Variants in CPQ observed in about 807,000 individuals in gnomAD.
The protein encoded by CPQ is carboxypeptidase Q.
A neutral mutation model predicts 45.7 loss-of-function variants in CPQ; 37 were observed. The ratio of observed to expected loss-of-function variants is 0.81; its 90% CI spans 0.62 to 1.07. CPQ has a LOEUF of 1.07. Among genes scored for constraint, CPQ ranks in the 50% least tolerant of loss-of-function variants. The pLI is 0.00. For missense variants in CPQ, 537 were observed against 572.9 expected (o/e 0.94, Z 0.64); for synonymous variants, 186 against 205.8 (o/e 0.90, Z 0.82).
intron 1 of CPQ, among the ~76,000 whole-genome samples, chr8:96,754,664 G>T (rs1181930262): frequency 6.6e-6 from 1 of 151,900 alleles, no homozygotes; most frequent in Non-Finnish European, 1.5e-5. Context: ...TCTAGAAAAT[G>T]GTTCACTTTA....
intron 5 of CPQ, among the ~76,000 whole-genome samples, chr8:97,025,084 C>T (rs1034379058): frequency 1.3e-5 from 2 of 152,136 alleles, no homozygotes; most frequent in Non-Finnish European, 1.5e-5. Flanking sequence ...CTGGATTAAT[C>T]TTTTTCTGCT....
intron 5 of CPQ, among the ~76,000 whole-genome samples, chr8:97,000,898 A>G (rs1809268089): frequency 6.6e-6 from 1 of 151,972 alleles, no homozygotes; most frequent in South Asian, 2.1e-4. Context: ...ATTTGTTTGT[A>G]TCATCTCTGA....
chr8:97,074,614 A>T (rs1273944981), intron 7 of CPQ, among the ~76,000 whole-genome samples: 2 of 152,192 alleles, frequency 1.3e-5, no homozygotes, highest in Non-Finnish European at 2.9e-5. Flanking sequence ...TCTACTAAAA[A>T]TACAAAATTA....
chr8:97,142,368 A>G (rs1250442996), intron 7 of CPQ, among the ~76,000 whole-genome samples: 1 of 152,204 alleles, frequency 6.6e-6, no homozygotes, highest in Non-Finnish European at 1.5e-5. Context: ...TTGAATGAGA[A>G]GAAAGCTTTG....
chr8:96,824,389 A>G (rs1415763933), intron 2 of CPQ, among the ~76,000 whole-genome samples: 3 of 152,096 alleles, frequency 2.0e-5, no homozygotes, highest in African/African-American at 4.8e-5. Flanking sequence ...CAGAGTACAC[A>G]TACAATAGCT....
intron 1 of CPQ, among the ~76,000 whole-genome samples, chr8:96,769,834 G>A (rs987211403): frequency 2.0e-5 from 3 of 151,694 alleles, no homozygotes; most frequent in Non-Finnish European, 4.4e-5. Flanking sequence ...TAGAGATGGG[G>A]TTTCACCACT....
chr8:97,124,020 T>G (rs55791161), intron 7 of CPQ, among the ~76,000 whole-genome samples: 3,016 of 151,802 alleles, frequency 0.02, 89 homozygotes, highest in African/African-American at 0.067. Flanking sequence ...GGTCAGGAGT[T>G]TGAGACCAGC....
At chr8:96,959,277 T>A (rs963712585) in intron 4 of CPQ, among the ~76,000 whole-genome samples, 2 of 152,186 alleles carry the variant, frequency 1.3e-5, no homozygotes, top group Non-Finnish European at 2.9e-5. Flanking sequence ...TTATAGAGAC[T>A]TTTTGAAAGA....
intron 1 of CPQ, among the ~76,000 whole-genome samples, chr8:96,720,270 CT>C (rs201158304): frequency 6.6e-6 from 1 of 151,172 alleles, no homozygotes; most frequent in East Asian, 1.9e-4. Flanking sequence ...CTATTGATTA[CT>C]TTTTTAAAAA....
intron 2 of CPQ, among the ~76,000 whole-genome samples, chr8:96,812,606 A>C (rs1457255268): frequency 6.6e-6 from 1 of 152,120 alleles, no homozygotes; most frequent in Non-Finnish European, 1.5e-5. Flanking sequence ...ACTGGACAAA[A>C]GTAGGTGAGG....
At chr8:96,779,761 C>A (rs1048605654) in intron 1 of CPQ, among the ~76,000 whole-genome samples, 2 of 151,894 alleles carry the variant, frequency 1.3e-5, no homozygotes, top group African/African-American at 4.8e-5. Flanking sequence ...CTTTTTTTTG[C>A]ACCAACAACA....
At chr8:97,112,829 G>A (rs969448457) in intron 7 of CPQ, among the ~76,000 whole-genome samples, 8 of 152,220 alleles carry the variant, frequency 5.3e-5, no homozygotes, top group African/African-American at 1.2e-4. Flanking sequence ...GGAGAGGAAG[G>A]AGTAAAGGAT....
At chr8:96,841,970 T>C (rs1811619064) in intron 3 of CPQ, among the ~76,000 whole-genome samples, 1 of 152,204 alleles carries the variant, frequency 6.6e-6, no homozygotes, top group African/African-American at 2.4e-5. Context: ...TAGAGTTAAA[T>C]AGCTTCAAAG....
At chr8:96,897,565 A>G (rs532742407) in intron 4 of CPQ, among the ~76,000 whole-genome samples, 19 of 152,314 alleles carry the variant, frequency 1.2e-4, no homozygotes, top group African/African-American at 4.6e-4. Context: ...GTAGTAAAAC[A>G]ATTGTTTCAT....
chr8:96,872,359 A>C (rs564320896), intron 3 of CPQ, among the ~76,000 whole-genome samples: 1 of 152,088 alleles, frequency 6.6e-6, no homozygotes, highest in African/African-American at 2.4e-5. Context: ...TTGGTGCTCA[A>C]AAAGTTTCAG....
intron 3 of CPQ, among the ~76,000 whole-genome samples, chr8:96,854,719 G>A (rs1164662158): frequency 6.6e-6 from 1 of 151,960 alleles, no homozygotes; most frequent in African/African-American, 2.4e-5. Flanking sequence ...AAAATCTTCA[G>A]GGTGAGTCAG....
chr8:97,000,554 G>A (rs901913816), intron 5 of CPQ, among the ~76,000 whole-genome samples: 2 of 151,974 alleles, frequency 1.3e-5, no homozygotes, highest in African/African-American at 4.8e-5. Context: ...GATTGTAGGT[G>A]CATGGCCTTA....
chr8:96,864,499 G>A (rs1443538643), intron 3 of CPQ, among the ~76,000 whole-genome samples: 1 of 151,974 alleles, frequency 6.6e-6, no homozygotes, highest in Non-Finnish European at 1.5e-5. Context: ...TTCTTAAAGG[G>A]TACGGGAACC....
At chr8:96,663,527 G>A (rs914561405) in intron 1 of CPQ, among the ~76,000 whole-genome samples, 1 of 152,148 alleles carries the variant, frequency 6.6e-6, no homozygotes, top group Non-Finnish European at 1.5e-5. Flanking sequence ...ATGGGATTAG[G>A]TTAGGTAACT....
Sources: allele counts gnomAD v4.1 joint callset (sites outside exome capture counted in the v4.1 genomes callset), GRCh38; gene constraint gnomAD v4.1.1; transcripts MANE v1.5; gene names NCBI Gene and HGNC (gene_info 2026-07-23, HGNC 2026-07-21).